THSD7B: variants seen among roughly 807,000 people sequenced by gnomAD.
The protein encoded by THSD7B is thrombospondin type-1 domain-containing protein 7B.
Under a neutral mutation model 213.6 loss-of-function variants are expected in THSD7B, and 138 were observed. That is an observed-to-expected ratio of 0.65 (90% CI 0.56 to 0.74). THSD7B has a LOEUF of 0.74. THSD7B is among the 30% of genes least tolerant of loss of function. The pLI is 0.00. For synonymous variants in THSD7B, 742 were observed against 687.0 expected (o/e 1.08, Z -1.25); for missense variants, 1,931 against 1,991.5 (o/e 0.97, Z 0.58).
chr2:137,118,557 A>G (rs1688485030), intron 5 of THSD7B, among the ~76,000 whole-genome samples: 1 of 152,156 alleles, frequency 6.6e-6, no homozygotes, highest in Non-Finnish European at 1.5e-5. Flanking sequence ...ACATTGCTTG[A>G]ATTTTCTAAA....
chr2:136,970,593 A>C (rs957858734), intron 2 of THSD7B, among the ~76,000 whole-genome samples: 2 of 152,204 alleles, frequency 1.3e-5, no homozygotes, highest in African/African-American at 4.8e-5. Flanking sequence ...ATAGGTAATA[A>C]TTTCAGAACC....
chr2:137,623,638 A>G (rs1488235011), intron 20 of THSD7B, among the ~76,000 whole-genome samples: 1 of 152,210 alleles, frequency 6.6e-6, no homozygotes, highest in Non-Finnish European at 1.5e-5. Flanking sequence ...AAATCTCAGG[A>G]TACAAAATCA....
At position 136,959,538 on chromosome 2, in the gene THSD7B, A is replaced by C. The variant is rs114268008; in HGVS notation, c.139+77221A>C. On this transcript the variant is annotated intron_variant, in intron 2 of 27. Transcript: ENST00000409968. ...AGATTACTTGACTGTCAGAGCACTC[A>C]TTTCATAAAGTTTTTCAAATAAAAC... Among the ~76,000 whole-genome samples the C allele has an allele frequency of 6.2e-3, 945 of 152,324 alleles. 10 individuals are homozygous for C. The highest frequency in any genetic ancestry group is 0.021 in the African/African-American group (872 of 41,562).
At chr2:137,256,390 T>C (rs541753566) in intron 10 of THSD7B, among the ~76,000 whole-genome samples, 24 of 152,188 alleles carry the variant, frequency 1.6e-4, no homozygotes, top group African/African-American at 4.6e-4. Context: ...AGTCCTGTGA[T>C]TGGGGAGGTG....
intron 15 of THSD7B, among the ~76,000 whole-genome samples, chr2:137,512,528 A>T (rs761175035): frequency 1.2e-4 from 18 of 151,126 alleles, no homozygotes; most frequent in Non-Finnish European, 2.2e-4. Flanking sequence ...AGCAACTGTG[A>T]CCACAGGCAC....
rs141629532 is a variant in THSD7B, at chr2:137,328,323, T to C, written c.2500+52297T>C. Among the ~76,000 whole-genome samples, 777 of 152,344 alleles carry C rather than the reference T, an allele frequency of 5.1e-3. 3 individuals are homozygous for C. Among genetic ancestry groups the C allele is most frequent in the African/African-American group, 0.018 (736 of 41,588 alleles). On this transcript the variant is annotated intron_variant, in intron 12 of 27. Transcript: ENST00000409968. ...ATGCACAAATACAGTCACTAGTTTC[T>C]AGTAGCAACAGATTTTTGAATGTCC... is the stretch of plus-strand genomic sequence containing the variant.
chr2:137,000,280 G>A (rs1343443124), intron 2 of THSD7B, among the ~76,000 whole-genome samples: 4 of 152,086 alleles, frequency 2.6e-5, no homozygotes, highest in Non-Finnish European at 4.4e-5. Context: ...AATTTAAGGG[G>A]ACTGAATTTT....
At chr2:137,606,500 T>C (rs1353393804) in intron 17 of THSD7B, among the ~76,000 whole-genome samples, 2 of 152,058 alleles carry the variant, frequency 1.3e-5, no homozygotes, top group South Asian at 2.1e-4. Context: ...CCCCTTTTCT[T>C]TGGTTTGGTA....
At position 137,580,585 on chromosome 2, in the gene THSD7B, G is replaced by A. The variant is rs138586476; in HGVS notation, c.3423+8029G>A. Among the ~76,000 whole-genome samples, 70 of 152,160 alleles carry A rather than the reference G, an allele frequency of 4.6e-4. 1 individual carries two copies. In the East Asian group the frequency reaches 0.012, roughly 26 times the overall value. On this transcript the variant is annotated intron_variant, in intron 17 of 27. Coordinates refer to ENST00000409968, the MANE Select transcript of THSD7B (RefSeq NM_001316349.2). ...TATTAGGAAGAACTTTCTAAATAGT[G>A]CTAAAAATCAAAAATCATTTTTATC... is the stretch of plus-strand genomic sequence containing the variant.
At chr2:136,878,085 A>G (rs1017678111) in intron 1 of THSD7B, among the ~76,000 whole-genome samples, 9 of 152,052 alleles carry the variant, frequency 5.9e-5, no homozygotes, top group Admixed American at 5.2e-4. Context: ...CCCACCCCAC[A>G]ACAGGTCCCA....
At chr2:137,027,656 C>T (rs970584761) in intron 2 of THSD7B, among the ~76,000 whole-genome samples, 3 of 152,132 alleles carry the variant, frequency 2.0e-5, no homozygotes, top group Admixed American at 1.3e-4. Context: ...CATGTGCTGC[C>T]GTTTCTGTCT....
chr2:136,975,315 G>T (rs1252736700), intron 2 of THSD7B, among the ~76,000 whole-genome samples: 1 of 151,974 alleles, frequency 6.6e-6, no homozygotes, highest in African/African-American at 2.4e-5. Context: ...TTCTCCTAGG[G>T]TTTTATAGTT....
At chr2:136,821,413 A>C (rs1183186093) in intron 1 of THSD7B, among the ~76,000 whole-genome samples, 1 of 151,674 alleles carries the variant, frequency 6.6e-6, no homozygotes, top group Non-Finnish European at 1.5e-5. Flanking sequence ...CCTGGGCCTG[A>C]CTCCTCTGGA....
At chr2:137,360,657 G>A (rs1181249383) in intron 12 of THSD7B, among the ~76,000 whole-genome samples, 1 of 152,160 alleles carries the variant, frequency 6.6e-6, no homozygotes, top group Non-Finnish European at 1.5e-5. Context: ...GCTAGGGGAG[G>A]GGCGTCTGCC....
intron 7 of THSD7B, among the ~76,000 whole-genome samples, chr2:137,202,211 T>C (rs542138931): frequency 1.3e-5 from 2 of 152,286 alleles, no homozygotes; most frequent in Admixed American, 1.3e-4. Context: ...TCTGGGTTTT[T>C]CAGTAGCCTG....
chr2:137,339,027 T>C (rs1684701829), intron 12 of THSD7B, among the ~76,000 whole-genome samples: 1 of 152,108 alleles, frequency 6.6e-6, no homozygotes, highest in Non-Finnish European at 1.5e-5. Context: ...AAGAAATCTG[T>C]AATCTCTTTT....
chr2:137,445,351 AC>A (rs1324777542), intron 14 of THSD7B, among the ~76,000 whole-genome samples: 1 of 152,050 alleles, frequency 6.6e-6, no homozygotes, highest in African/African-American at 2.4e-5. Flanking sequence ...TATGGAATCC[AC>A]CTAAGTGCCC....
chr2:137,574,299 A>G (rs1318093805), intron 17 of THSD7B, among the ~76,000 whole-genome samples: 2 of 152,058 alleles, frequency 1.3e-5, no homozygotes, highest in Non-Finnish European at 2.9e-5. Flanking sequence ...CTTTTTCGAA[A>G]CATAATTATT....
chr2:136,798,129 G>A (rs1444500715), intron 1 of THSD7B, among the ~76,000 whole-genome samples: 3 of 151,768 alleles, frequency 2.0e-5, no homozygotes, highest in African/African-American at 7.3e-5. Context: ...ACTATGCTGA[G>A]CTCTAAAATT....
Sources: gnomAD v4.1 joint callset for allele counts (sites outside exome capture counted in the v4.1 genomes callset) on GRCh38, gnomAD v4.1.1 for gene constraint, MANE v1.5 for transcripts, NCBI Gene and HGNC (gene_info 2026-07-23, HGNC 2026-07-21) for gene names.